SMCO2: variants seen among roughly 807,000 people sequenced by gnomAD.
SMCO2 encodes single-pass membrane and coiled-coil domain-containing protein 2.
SMCO2 carries 25 observed loss-of-function variants against 29.5 expected under a neutral mutation model. The observed-to-expected ratio is 0.85, with a 90% CI of 0.62 to 1.18. The LOEUF (loss-of-function observed/expected upper bound fraction) is 1.18, where lower values mean the gene tolerates loss of function less well. Among genes scored for constraint, SMCO2 ranks in the 50% most tolerant of loss-of-function variants. SMCO2 has a pLI of 0.00. For synonymous variants in SMCO2, 117 were observed against 123.3 expected (o/e 0.95, Z 0.34); for missense variants, 348 against 344.5 (o/e 1.01, Z -0.08).
At chr12:27,495,723 T>C (rs1327328813) in exon 7 of SMCO2, 2 of 1,533,440 alleles carry the variant, frequency 1.3e-6, no homozygotes, top group Admixed American at 2.0e-5. Flanking sequence ...AAGCTAAGGA[T>C]GTATCAAATG....
At chr12:27,478,769 G>C (rs1408255954) in intron 4 of SMCO2, among the ~76,000 whole-genome samples, 1 of 149,816 alleles carries the variant, frequency 6.7e-6, no homozygotes, top group Non-Finnish European at 1.5e-5. Context: ...CAGAAAGCAA[G>C]TGTTGGTACC....
Position 27,495,935 on chromosome 12 carries a change from A to G in SMCO2, c.683+80A>G. On this transcript the variant is annotated intron_variant, in intron 7 of 7. Transcript: ENST00000298876. The stretch of plus-strand genomic sequence containing the variant: ...ATTATGCTGGGATTGATTTTTTTCA[A>G]GTGTTGACTAAAATGTTTTGTTTTA... 2 of 1,253,594 alleles carry G rather than the reference A, an allele frequency of 1.6e-6. 1 individual carries two copies. The highest frequency in any genetic ancestry group is 2.1e-6 in the Non-Finnish European group (2 of 968,030). The allele number at this position is 1,253,594 out of a possible 1,614,324, so 77.7% of individuals were successfully genotyped here.
At chr12:27,485,450 G>GTT (rs142312125) in intron 4 of SMCO2, among the ~76,000 whole-genome samples, 2,666 of 131,990 alleles carry the variant, frequency 0.02, 36 homozygotes, top group South Asian at 0.03. Context: ...ATTTTTTTAA[G>GTT]TTTTTTTTTT....
At chr12:27,462,173 T>C (rs1949463814), upstream of SMCO2, among the ~76,000 whole-genome samples, 1 of 152,188 alleles carries the variant, frequency 6.6e-6, no homozygotes, top group East Asian at 1.9e-4. Flanking sequence ...TATGAAGCCC[T>C]GTAGGAACTA....
chr12:27,466,747 AG>A (rs919280410), upstream of SMCO2: 5 of 152,348 alleles, frequency 3.3e-5, no homozygotes, highest in African/African-American at 1.2e-4. Flanking sequence ...ATCTTGTGAG[AG>A]GGGGTTACAG....
intron 4 of SMCO2, among the ~76,000 whole-genome samples, chr12:27,480,560 T>A (rs907848854): frequency 6.6e-6 from 1 of 152,186 alleles, no homozygotes; most frequent in Non-Finnish European, 1.5e-5. Flanking sequence ...ATCTCCTATG[T>A]TGGAGGTGGG....
the SMCO2 span, among the ~76,000 whole-genome samples, chr12:27,428,430 T>G: frequency 6.6e-6 from 1 of 152,226 alleles, no homozygotes; most frequent in Non-Finnish European, 1.5e-5. Flanking sequence ...TGTCATAATT[T>G]TTGCAAAGGC....
intron 7 of SMCO2, among the ~76,000 whole-genome samples, chr12:27,499,717 A>G (rs2682711): frequency 0.041 from 6,158 of 150,818 alleles, 867 homozygotes; most frequent in African/African-American, 0.15. Flanking sequence ...TCACATGATT[A>G]CATTCTAATT....
rs141624296 is a variant in SMCO2 at position 27,498,158 on chromosome 12, A to G, written c.683+2303A>G. The G allele has an allele frequency of 6.6e-3, 2,351 of 358,530 alleles. 64 individuals are homozygous for G. The highest frequency in any genetic ancestry group is 9.0e-3 in the Non-Finnish European group (1,638 of 181,978). 22.2% of individuals were successfully genotyped at this position (358,530 alleles called of 1,614,324 possible). On this transcript the variant is annotated intron_variant, in intron 7 of 7. Coordinates refer to ENST00000298876, the Ensembl canonical transcript of SMCO2. ...ACTTTCCCATAACCGGTTGAGTGAC[A>G]ACATCTTCTCGTTTGACAAAATGCT... is the stretch of plus-strand genomic sequence containing the variant.
the SMCO2 span, among the ~76,000 whole-genome samples, chr12:27,460,656 G>C: frequency 6.6e-6 from 1 of 152,052 alleles, no homozygotes; most frequent in Non-Finnish European, 1.5e-5. Context: ...TGGAAGGGAA[G>C]GCAGGAGAGG....
the SMCO2 span, among the ~76,000 whole-genome samples, chr12:27,457,191 C>G: frequency 6.6e-6 from 1 of 152,064 alleles, no homozygotes; most frequent in Non-Finnish European, 1.5e-5. Context: ...TCCCCTGAAC[C>G]CTGACTCCCC....
chr12:27,451,246 G>T, the SMCO2 span, among the ~76,000 whole-genome samples: 1 of 152,148 alleles, frequency 6.6e-6, no homozygotes, highest in Admixed American at 6.5e-5. Context: ...GGAAGTACAG[G>T]GTTAGGCTCT....
At chr12:27,474,487 A>C (rs543459770) in intron 3 of SMCO2, among the ~76,000 whole-genome samples, 1 of 152,074 alleles carries the variant, frequency 6.6e-6, no homozygotes, top group Non-Finnish European at 1.5e-5. Flanking sequence ...AGACCAGAAC[A>C]GTCATCTAAT....
At chr12:27,436,519 G>A in the SMCO2 span, among the ~76,000 whole-genome samples, 1 of 152,006 alleles carries the variant, frequency 6.6e-6, no homozygotes, top group Non-Finnish European at 1.5e-5. Flanking sequence ...GAAGAGGAGA[G>A]GGGTAGAAAA....
intron 7 of SMCO2, chr12:27,496,868 A>T (rs145039006): frequency 6.6e-6 from 1 of 151,078 alleles, no homozygotes; most frequent in East Asian, 1.9e-4. Flanking sequence ...ACTCCAAGGG[A>T]TACACAAAAG....
chr12:27,501,883 T>G (rs1436924707), intron 7 of SMCO2, 40 bp from the exon 9 acceptor site: 2 of 1,422,254 alleles, frequency 1.4e-6, no homozygotes. Flanking sequence ...TGTGATTATT[T>G]TCAGAATTTG....
chr12:27,429,980 G>A, the SMCO2 span, among the ~76,000 whole-genome samples: 1 of 152,138 alleles, frequency 6.6e-6, no homozygotes, highest in Non-Finnish European at 1.5e-5. Context: ...TAGGTGTCCT[G>A]TGGTTTCGTA....
chr12:27,469,115 A>G (rs933879509), intron 1 of SMCO2, among the ~76,000 whole-genome samples: 3 of 152,184 alleles, frequency 2.0e-5, no homozygotes, highest in Admixed American at 2.0e-4. Context: ...TTGGACCATA[A>G]AAACAGTAAA....
chr12:27,448,019 G>T, the SMCO2 span, among the ~76,000 whole-genome samples: 1 of 152,146 alleles, frequency 6.6e-6, no homozygotes, highest in Non-Finnish European at 1.5e-5. Context: ...GTATCTTTAC[G>T]CATGCTTGCA....
Sources: allele counts gnomAD v4.1 joint callset (sites outside exome capture counted in the v4.1 genomes callset), GRCh38; gene constraint gnomAD v4.1.1; transcripts MANE v1.5; gene names NCBI Gene and HGNC (gene_info 2026-07-23, HGNC 2026-07-21).